Variants in DMD observed in about 807,000 individuals in gnomAD.
The protein encoded by DMD is dystrophin, also known as mutant dystrophin.
DMD carries 63 observed loss-of-function variants against 330.1 expected under a neutral mutation model. That is an observed-to-expected ratio of 0.19 (90% CI 0.16 to 0.24). The LOEUF is 0.24. DMD is among the 10% of genes least tolerant of loss of function. The probability of loss-of-function intolerance (pLI) is 1.00; values close to 1 mark genes in which losing one functional copy is unlikely to be tolerated. For synonymous variants in DMD, 1,223 were observed against 959.8 expected, an observed-to-expected ratio of 1.27 and a Z score of -5.07; for missense variants, 3,344 against 2,684.1, an observed-to-expected ratio of 1.25 and a Z score of -5.43.
At chrX:31,324,298 T>C (rs1276916475) in intron 61 of DMD, among the ~76,000 whole-genome samples, 1 of 110,757 alleles carries the variant, frequency 9.0e-6, no homozygotes, top group African/African-American at 3.3e-5. Flanking sequence ...TTGTTATGAG[T>C]GATGAATCCT....
intron 27 of DMD, among the ~76,000 whole-genome samples, chrX:32,443,737 C>T (rs2098292103): frequency 1.8e-5 from 2 of 110,856 alleles, no homozygotes; most frequent in Admixed American, 9.6e-5. Flanking sequence ...CGAATTGGAG[C>T]TAAAAGCCAC....
chrX:32,709,982 C>T (rs1269862475), intron 7 of DMD, among the ~76,000 whole-genome samples: 1 of 110,523 alleles, frequency 9.0e-6, no homozygotes, highest in African/African-American at 3.3e-5. Context: ...TGGTCTACAC[C>T]CCCTGAATGT....
At chrX:31,706,027 G>A (rs1002829847) in intron 52 of DMD, among the ~76,000 whole-genome samples, 4 of 111,056 alleles carry the variant, frequency 3.6e-5, no homozygotes, top group South Asian at 3.8e-4. Context: ...GTCCTTTGAC[G>A]AAGCAAAGTG....
intron 12 of DMD, 94 bp downstream of exon 12, chrX:32,614,209 C>G: frequency 2.3e-6 from 2 of 888,632 alleles, no homozygotes; most frequent in South Asian, 2.4e-5. Flanking sequence ...TTTTAATTCT[C>G]TCCCATCAAC....
intron 1 of DMD, among the ~76,000 whole-genome samples, chrX:33,053,556 A>G (rs1407655150): frequency 2.7e-5 from 3 of 110,404 alleles, no homozygotes; most frequent in Non-Finnish European, 5.7e-5. Context: ...AGATCACACC[A>G]CTGCACTCCA....
At chrX:32,999,283 T>G (rs987352276) in intron 2 of DMD, among the ~76,000 whole-genome samples, 1 of 112,003 alleles carries the variant, frequency 8.9e-6, no homozygotes, top group African/African-American at 3.2e-5. Context: ...TGAAACATCA[T>G]GAGATATTTT....
intron 7 of DMD, among the ~76,000 whole-genome samples, chrX:32,731,874 C>T (rs1326932437): frequency 1.8e-5 from 2 of 112,197 alleles, no homozygotes; most frequent in African/African-American, 6.5e-5. Context: ...TCCAAAGGAA[C>T]ACAGTTCCTC....
chrX:33,000,160 G>A (rs980176748), intron 2 of DMD, among the ~76,000 whole-genome samples: 25 of 111,097 alleles, frequency 2.3e-4, no homozygotes, highest in Admixed American at 2.1e-3. Context: ...TTTAGTATAG[G>A]GGTGTTTTTA....
At chrX:31,569,606 G>GTATATATACGTATATATACGTA (rs1403453861) in intron 55 of DMD, among the ~76,000 whole-genome samples, 1 of 95,368 alleles carries the variant, frequency 1.0e-5, no homozygotes, top group Non-Finnish European at 2.1e-5. Context: ...ACACATATAT[G>GTATATATACGTATATATACGTA]TATATACGTA....
chrX:32,326,876 C>T (rs2097653331), intron 41 of DMD, among the ~76,000 whole-genome samples: 1 of 103,035 alleles, frequency 9.7e-6, no homozygotes, highest in South Asian at 4.7e-4. Context: ...CACTGCACTC[C>T]AGCCTGGGTG....
chrX:31,910,224 T>TCAC (rs767095888), intron 47 of DMD, among the ~76,000 whole-genome samples: 3 of 112,308 alleles, frequency 2.7e-5, no homozygotes, highest in Non-Finnish European at 3.8e-5. Flanking sequence ...ATCACCACTG[T>TCAC]CACCACCACC....
chrX:32,857,745 A>C (rs995486465), intron 2 of DMD, among the ~76,000 whole-genome samples: 1 of 111,600 alleles, frequency 9.0e-6, no homozygotes, highest in African/African-American at 3.3e-5. Flanking sequence ...AGTACAGAAT[A>C]AAACATGAAT....
intron 1 of DMD, among the ~76,000 whole-genome samples, chrX:33,296,169 T>A (rs184786588): frequency 1.9e-4 from 21 of 111,400 alleles, no homozygotes; most frequent in African/African-American, 6.5e-4. Context: ...CTCCTAGTAA[T>A]GCTTTCTCTT....
intron 2 of DMD, among the ~76,000 whole-genome samples, chrX:32,952,379 G>A (rs902352987): frequency 4.5e-5 from 5 of 111,016 alleles, no homozygotes; most frequent in Non-Finnish European, 5.7e-5. Context: ...TGATCCGCCC[G>A]CCTCTGCTTC....
intron 55 of DMD, among the ~76,000 whole-genome samples, chrX:31,530,647 C>CTTTTTTTTTTTTTTTTTTTTTTA (rs2073684904): frequency 4.0e-5 from 2 of 49,818 alleles, no homozygotes; most frequent in Non-Finnish European, 7.2e-5. Flanking sequence ...ACTGGTTTCT[C>CTTTTTTTTTTTTTTTTTTTTTTA]TTTTTTTTTT....
chrX:32,676,435 T>A (rs930872177), intron 9 of DMD, among the ~76,000 whole-genome samples: 3 of 111,457 alleles, frequency 2.7e-5, no homozygotes, highest in African/African-American at 9.8e-5. Flanking sequence ...GTATTTTGCC[T>A]GGCTTTCCAA....
chrX:31,461,823 C>A (rs1252611442), intron 59 of DMD, among the ~76,000 whole-genome samples: 1 of 111,634 alleles, frequency 9.0e-6, no homozygotes, highest in African/African-American at 3.3e-5. Context: ...GCAGGGGACA[C>A]TTTACCTAAC....
intron 34 of DMD, among the ~76,000 whole-genome samples, chrX:32,372,648 T>G (rs750796469): frequency 8.9e-6 from 1 of 111,737 alleles, no homozygotes; most frequent in South Asian, 3.7e-4. Context: ...TTGATCCATA[T>G]TTTTAAAAAC....
intron 57 of DMD, among the ~76,000 whole-genome samples, chrX:31,494,840 T>G (rs2069673208): frequency 3.6e-5 from 4 of 112,130 alleles, no homozygotes; most frequent in Admixed American, 1.9e-4. Flanking sequence ...AATCTCAGTC[T>G]CCTGACTCCT....
Sources: allele counts gnomAD v4.1 joint callset (sites outside exome capture counted in the v4.1 genomes callset), GRCh38; gene constraint gnomAD v4.1.1; transcripts MANE v1.5; gene names NCBI Gene and HGNC (gene_info 2026-07-23, HGNC 2026-07-21).